The following TWF2 variants were observed in gnomAD, a reference collection of about 807,000 sequenced individuals.
TWF2 encodes the protein twinfilin actin binding protein 2, also known as twinfilin-2.
TWF2 carries 15 observed loss-of-function variants against 45.1 expected under a neutral mutation model. The ratio of observed to expected loss-of-function variants is 0.33; its 90% CI spans 0.22 to 0.51. The LOEUF (loss-of-function observed/expected upper bound fraction) is 0.51. Among genes scored for constraint, TWF2 ranks in the 20% least tolerant of loss-of-function variants. The probability of loss-of-function intolerance (pLI) is 0.97; values close to 1 mark genes in which losing one functional copy is unlikely to be tolerated. For synonymous variants in TWF2, 177 were observed against 195.8 expected (o/e 0.90, Z 0.80); for missense variants, 423 against 469.1 (o/e 0.90, Z 0.91).
rs1699650034 is a variant in TWF2, at chr3:52,228,857, C to T, written c.*177G>A. ...CACAGACGAGATGCAGGGACAGCAA[C>T]AGGGAAGGGTCACAAAATGCCAGCC... On this transcript the variant is annotated 3_prime_UTR_variant, in exon 9 of 9. Coordinates refer to ENST00000305533, the MANE Select transcript of TWF2 (RefSeq NM_007284.4). The T allele has an allele frequency of 8.5e-6, 8 of 939,632 alleles. No individual in the cohort carries two copies. Among genetic ancestry groups the T allele is most frequent in the Non-Finnish European group, 1.2e-5 (8 of 648,738 alleles). The allele number at this position is 939,632 out of a possible 1,614,324, so 58.2% of individuals were successfully genotyped here.
intron 2 of TWF2, among the ~76,000 whole-genome samples, chr3:52,232,691 G>A (rs148134397): frequency 6.0e-4 from 91 of 152,280 alleles, no homozygotes; most frequent in African/African-American, 2.0e-3. Context: ...GACATCCTGC[G>A]GCTACCTGCC....
At chr3:52,231,854 T>C (rs916119162) in intron 3 of TWF2, 90 bp downstream of exon 3, 36 of 1,531,586 alleles carry the variant, frequency 2.4e-5, no homozygotes, top group Non-Finnish European at 3.0e-5. Flanking sequence ...GGGGCAGGCC[T>C]GTGTCCCCTC....
Position 52,235,010 on chromosome 3 carries a change from G to A in TWF2, c.103+19C>T. The A allele has an allele frequency of 6.2e-7, 1 of 1,612,656 alleles. No individual in the cohort carries two copies. The highest frequency in any genetic ancestry group is 8.5e-7 in the Non-Finnish European group (1 of 1,179,846). ...AGTCCACCCCCAAGCCTATACCCTGGCCTGTGAGGGGCACTCACCGTCCTC... is the reference window on the plus strand; with the variant it reads ...AGTCCACCCCCAAGCCTATACCCTGACCTGTGAGGGGCACTCACCGTCCTC... On this transcript the variant is annotated intron_variant, in intron 2 of 8. Transcript: ENST00000305533.
At chr3:52,234,995 C>T (rs752263756) in intron 2 of TWF2, 34 bp downstream of exon 2, 2 of 1,610,570 alleles carry the variant, frequency 1.2e-6, no homozygotes, top group Non-Finnish European at 8.5e-7. Flanking sequence ...AGTCCACCCC[C>T]AAGCCTATAC....
rs374109549 is a variant in TWF2 at position 52,229,886 on chromosome 3, C to A, written c.760+34G>T. 2.8e-4 allele frequency: 454 copies of A among 1,596,556 alleles called. No individual in the cohort carries two copies. The African/African-American group carries it at 5.1e-3, about 18-fold the overall frequency. ...GCAGACCAGCCCTGCTCCCACCCAG[C>A]CACAGGCTTGGGAGCCCTGCCATGG... On this transcript the variant is annotated intron_variant, in intron 7 of 8. Transcript: ENST00000305533.
Position 52,231,481 on chromosome 3 carries a change from C to G in TWF2, c.341G>C (p.Gly114Ala), listed in dbSNP as rs200379551. ...TRATVKKEFGGGHIKDELFGT... is the reference protein window; with the variant it reads ...TRATVKKEFGAGHIKDELFGT... ...GAAGAGCTCATCCTTGATGTGGCCACCTCCAAACTCCTTTTTCACTGTGGC... is the reference window on the plus strand; with the variant it reads ...GAAGAGCTCATCCTTGATGTGGCCAGCTCCAAACTCCTTTTTCACTGTGGC... Residue 114 changes from glycine to alanine, a missense_variant, in exon 4 of 9, where the codon GGT (glycine) becomes GCT (alanine). Transcript: ENST00000305533. 9.4e-5 allele frequency: 151 copies of G among 1,613,950 alleles called. No homozygotes were observed. The highest frequency in any genetic ancestry group is 1.1e-4 in the Non-Finnish European group (128 of 1,179,980).
chr3:52,234,580 C>A (rs1230530186), intron 2 of TWF2, among the ~76,000 whole-genome samples: 1 of 152,190 alleles, frequency 6.6e-6, no homozygotes, highest in Non-Finnish European at 1.5e-5. Context: ...GGGGGCACTT[C>A]CAAGAGAAGG....
At position 52,232,007 on chromosome 3, in the gene TWF2, G is replaced by A. The variant is rs779608030; in HGVS notation, c.219C>T (p.Leu73=). 14 of 1,613,924 alleles carry A rather than the reference G, an allele frequency of 8.7e-6. No homozygotes were observed. Among genetic ancestry groups the A allele is most frequent in the Non-Finnish European group, 1.2e-5 (14 of 1,179,982 alleles). The change falls in exon 3 of 9, where the codon CTC becomes CTT. Residue 73 remains leucine, a synonymous_variant. Transcript: ENST00000305533. ...CGAAGCCCTGAGCATTCTGTGAGTC[G>A]AGGCGGTAGAGCAGGTAGCAGGGCT... ...AQQPCYLLYR[L]DSQNAQGFEW...
intron 3 of TWF2, 77 bp from the exon 4 acceptor site, chr3:52,231,616 G>A (rs1699679181): frequency 6.8e-7 from 1 of 1,471,616 alleles, no homozygotes; most frequent in Non-Finnish European, 9.2e-7. Flanking sequence ...GCCTCTGGAG[G>A]AACTCGGTGG....
intron 1 of TWF2, among the ~76,000 whole-genome samples, chr3:52,238,653 G>A (rs1311224108): frequency 6.6e-6 from 1 of 152,218 alleles, no homozygotes; most frequent in African/African-American, 2.4e-5. Flanking sequence ...GAGGTGCACA[G>A]GCAGGACTGT....
Position 52,231,208 on chromosome 3 carries a change from G to A in TWF2, c.402C>T (p.Tyr134=), listed in dbSNP as rs764910767. The A allele has an allele frequency of 6.2e-7, 1 of 1,614,008 alleles. No individual in the cohort carries two copies. The highest frequency in any genetic ancestry group is 1.1e-5 in the South Asian group (1 of 91,084). ...CCGCACAGGACGACAGGTGTTTCTG[G>A]TACCCAGCAAAAGAGAGGTCATCCT... ...TVKDDLSFAG[Y]QKHLSSCAAP... Residue 134 remains tyrosine (Y), a synonymous_variant, in exon 5 of 9, where the codon TAC becomes TAT. Transcript: ENST00000305533.
At position 52,231,426 on chromosome 3, in the gene TWF2, G is replaced by A. The variant is rs1195416540; in HGVS notation, c.378+18C>T. ...TGGGCCCAGGATTGTGTCCCGGTAA[G>A]TCCTGGCTTAGGATTACCTTCACAG... On this transcript the variant is annotated intron_variant, in intron 4 of 8. Transcript: ENST00000305533. 2.5e-6 allele frequency: 4 copies of A among 1,612,138 alleles called. No homozygotes were observed. The highest frequency in any genetic ancestry group is 1.1e-5 in the South Asian group (1 of 90,920).
Position 52,231,188 on chromosome 3 carries a change from C to G in TWF2, c.422G>C (p.Cys141Ser). 6.2e-7 allele frequency: 1 copy of G among 1,614,058 alleles called. No homozygotes were observed. Among genetic ancestry groups the G allele is most frequent in the Non-Finnish European group, 8.5e-7 (1 of 1,179,956 alleles). Residue 141 changes from cysteine to serine, a missense_variant, in exon 5 of 9, where the codon TGT (cysteine) becomes TCT (serine). Cys to Ser is a moderately radical substitution (Grantham distance 112). Transcript: ENST00000305533. ...CGAGGTCAGCGGGGCAGGTGCCGCA[C>G]AGGACGACAGGTGTTTCTGGTACCC... ...FAGYQKHLSS[C>S]AAPAPLTSAE...
At position 52,235,141 on chromosome 3, in the gene TWF2, G is replaced by A. The variant is rs768654668; in HGVS notation, c.26-35C>T. On this transcript the variant is annotated intron_variant, in intron 1 of 8. Coordinates refer to ENST00000305533, the MANE Select transcript of TWF2 (RefSeq NM_007284.4). ...CAAGAAACATGGTGGGGGATGAGTG[G>A]GCAGAGTGGACAGAGACGAGTATGG... The A allele has an allele frequency of 3.7e-6, 6 of 1,606,954 alleles. No homozygotes were observed. In the East Asian group the frequency reaches 1.3e-4, roughly 36 times the overall value.
At chr3:52,235,720 C>T (rs1254633310) in intron 1 of TWF2, among the ~76,000 whole-genome samples, 1 of 152,218 alleles carries the variant, frequency 6.6e-6, no homozygotes, top group Non-Finnish European at 1.5e-5. Context: ...ATATAGTCCC[C>T]GGCTTGCTAA....
At chr3:52,234,223 A>C (rs563864577) in intron 2 of TWF2, among the ~76,000 whole-genome samples, 1 of 152,208 alleles carries the variant, frequency 6.6e-6, no homozygotes, top group African/African-American at 2.4e-5. Flanking sequence ...CAGCCATCCA[A>C]AGTGCCTGCT....
intron 1 of TWF2, among the ~76,000 whole-genome samples, chr3:52,238,012 A>G (rs7628461): frequency 6.6e-6 from 1 of 152,258 alleles, no homozygotes; most frequent in African/African-American, 2.4e-5. Context: ...AGCCCCAGGT[A>G]GAGTCAGGGC....
intron 2 of TWF2, among the ~76,000 whole-genome samples, chr3:52,234,091 G>A (rs1425272969): frequency 2.0e-5 from 3 of 152,000 alleles, no homozygotes; most frequent in African/African-American, 7.3e-5. Flanking sequence ...CAGTCTCTGA[G>A]GGCATCAGAA....
chr3:52,231,279 T>A (rs759107249), intron 4 of TWF2, 48 bp from the exon 5 acceptor site: 1 of 1,608,270 alleles, frequency 6.2e-7, no homozygotes. Context: ...CACCTGGGGA[T>A]TGGCTAGAGG....
Sources: gnomAD v4.1 joint callset for allele counts (sites outside exome capture counted in the v4.1 genomes callset) on GRCh38, gnomAD v4.1.1 for gene constraint, MANE v1.5 for transcripts, NCBI Gene and HGNC (gene_info 2026-07-23, HGNC 2026-07-21) for gene names.